CLCN7: variants seen among roughly 807,000 people sequenced by gnomAD.
CLCN7 encodes H(+)/Cl(-) exchange transporter 7.
Under a neutral mutation model 102.1 loss-of-function variants are expected in CLCN7, and 60 were observed. The ratio of observed to expected loss-of-function variants is 0.59; its 90% CI spans 0.48 to 0.73. The LOEUF (loss-of-function observed/expected upper bound fraction) is 0.73. Among genes scored for constraint, CLCN7 ranks in the 30% least tolerant of loss-of-function variants. The probability of loss-of-function intolerance (pLI) is 0.00; values close to 1 mark genes in which losing one functional copy is unlikely to be tolerated. For missense variants in CLCN7, 962 were observed against 1,125.7 expected, an observed-to-expected ratio of 0.85 and a Z score of 2.08; for synonymous variants, 560 against 490.5, an observed-to-expected ratio of 1.14 and a Z score of -1.87.
At chr16:1,464,973 C>CT (rs2142395455) in intron 2 of CLCN7, among the ~76,000 whole-genome samples, 1 of 152,254 alleles carries the variant, frequency 6.6e-6, no homozygotes, top group Non-Finnish European at 1.5e-5. Context: ...ACTGCCCCCC[C>CT]AAGATCCCTG....
At chr16:1,447,837 G>A in intron 21 of CLCN7, 123 bp from the exon 22 acceptor site, 1 of 1,086,508 alleles carries the variant, frequency 9.2e-7, no homozygotes, top group Non-Finnish European at 1.4e-6. Flanking sequence ...TGGGCCCCGT[G>A]TCGGTGGCTA....
Position 1,446,663 on chromosome 16 carries a change from C to A in CLCN7, c.2386G>T (p.Gly796Cys). The part of the protein sequence containing the change: ...DLARYRLGKR[G>C]LEELSLAQT ...TGGGCCAGCGAGAGCTCCTCCAAGC[C>A]TCTCTTTCCCAGGCGGTACCTGGCG... The change falls in exon 25 of 25, where the codon GGC becomes TGC. Residue 796 changes from glycine to cysteine, a missense_variant. Gly to Cys is a radical substitution (Grantham distance 159, BLOSUM62 -3). Coordinates refer to ENST00000382745, the MANE Select transcript of CLCN7 (RefSeq NM_001287.6). 6.3e-7 allele frequency: 1 copy of A among 1,584,034 alleles called. No homozygotes were observed. The highest frequency in any genetic ancestry group is 8.6e-7 in the Non-Finnish European group (1 of 1,165,100).
chr16:1,470,319 G>C (rs564194033), intron 1 of CLCN7, among the ~76,000 whole-genome samples: 1 of 152,328 alleles, frequency 6.6e-6, no homozygotes, highest in Admixed American at 6.5e-5. Flanking sequence ...TTTATGGTAT[G>C]TGTTCTTTAC....
intron 1 of CLCN7, among the ~76,000 whole-genome samples, chr16:1,467,426 G>A (rs1335208624): frequency 6.6e-6 from 1 of 152,184 alleles, no homozygotes; most frequent in Non-Finnish European, 1.5e-5. Flanking sequence ...ACGGTGGGAG[G>A]AGGAAGGTGC....
chr16:1,452,462 G>A, intron 15 of CLCN7: 1 of 471,486 alleles, frequency 2.1e-6, no homozygotes, highest in South Asian at 2.4e-5. Flanking sequence ...CCACATCTAT[G>A]GTGCCCCCAT....
chr16:1,460,959 C>T lies in CLCN7; in HGVS notation c.352-11G>A, dbSNP rs764398895. On this transcript the variant is annotated splice_polypyrimidine_tract_variant and intron_variant, in intron 4 of 24. Transcript: ENST00000382745. ...CACCGTCCGGAAGGCCTGCAGGGCG[C>T]GGTCAGGGCGAGGGTCAGGCAGGGC... The T allele has an allele frequency of 2.5e-6, 4 of 1,612,078 alleles. No individual in the cohort carries two copies. The highest frequency in any genetic ancestry group is 1.7e-4 in the Middle Eastern group (1 of 6,060).
In CLCN7 at chr16:1,455,598, C is replaced by T. The variant is rs7190701; in HGVS notation, c.981+133G>A. The T allele has an allele frequency of 0.46, 443,633 of 964,928 alleles. 106,576 individuals carry two copies. The highest frequency in any genetic ancestry group is 0.77 in the East Asian group (30,348 of 39,620). The allele number at this position is 964,928 out of a possible 1,614,324, so 59.8% of individuals were successfully genotyped here. A position where few individuals can be genotyped will look rare whatever the true frequency, so the allele number is the denominator to read the frequency against. ...GCAGGACCGCTGCTTTGGGCAGGAC[C>T]AAGGCCTGACAGACCCACAGGGGGT... is the stretch of plus-strand genomic sequence containing the variant. On this transcript the variant is annotated intron_variant, in intron 11 of 24. Coordinates refer to ENST00000382745, the MANE Select transcript of CLCN7 (RefSeq NM_001287.6).
At chr16:1,463,743 G>C (rs1455365843) in intron 2 of CLCN7, among the ~76,000 whole-genome samples, 2 of 150,690 alleles carry the variant, frequency 1.3e-5, no homozygotes, top group African/African-American at 4.9e-5. Flanking sequence ...AAAGTGTTGG[G>C]ATTACAGGTG....
intron 2 of CLCN7, among the ~76,000 whole-genome samples, chr16:1,464,466 G>A (rs1044547516): frequency 2.4e-4 from 36 of 152,276 alleles, no homozygotes; most frequent in Admixed American, 2.4e-3. Context: ...GGCTCCAGAG[G>A]CAGCACAAAC....
In CLCN7 at chr16:1,451,627, C is replaced by T. The variant is rs372732179; in HGVS notation, c.1443G>A (p.Pro481=). The T allele has an allele frequency of 1.4e-4, 220 of 1,611,016 alleles. No individual in the cohort carries two copies. Among genetic ancestry groups the T allele is most frequent in the South Asian group, 1.8e-4 (16 of 91,044 alleles). Residue 481 remains proline (P), a synonymous_variant, in exon 16 of 25, where the codon CCG becomes CCA. Coordinates refer to ENST00000382745, the MANE Select transcript of CLCN7 (RefSeq NM_001287.6). The part of the protein sequence containing the change: ...EKSVVSLFHD[P]PGSYNPLTLG... ...AGCGGCACTGCCCACACACACCTGG[C>T]GGGTCGTGGAAGAGGCTCACCACGC...
intron 1 of CLCN7, among the ~76,000 whole-genome samples, chr16:1,466,337 C>G (rs958916860): frequency 2.6e-5 from 4 of 152,322 alleles, no homozygotes; most frequent in Admixed American, 2.0e-4. Context: ...CAGGCTCGGC[C>G]TCCCGCACCA....
intron 16 of CLCN7, among the ~76,000 whole-genome samples, chr16:1,450,898 T>C (rs2038737889): frequency 6.6e-6 from 1 of 152,070 alleles, no homozygotes; most frequent in Admixed American, 6.5e-5. Flanking sequence ...GGGGCCCTGA[T>C]GCCAGCAGAA....
chr16:1,451,706 G>A lies in CLCN7; in HGVS notation c.1364C>T (p.Ala455Val), dbSNP rs771221831. The A allele has an allele frequency of 6.2e-7, 1 of 1,612,404 alleles. No homozygotes were observed. The change falls in exon 16 of 25, where the codon GCA (alanine) becomes GTA (valine). Residue 455 changes from alanine to valine, a missense_variant. This residue lies in a region of CLCN7 where 799 missense variants were observed against 988.0 expected (regional missense o/e 0.81). Transcript: ENST00000382745. ...SMSYPLQLFC[A>V]DGEYNSMAAA... ...AGCCATGGAGTTGTACTCGCCATCT[G>A]CACAAAAGAGCTGTGGGGTCGGGAG...
At position 1,473,084 on chromosome 16, in the gene CLCN7, G is replaced by T. The variant is rs2039099363; in HGVS notation, c.141+1750C>A. ...CACACCTGGCCTTTCTTTTAAAACAGAAACACACACACACACACACAGAGG... is the reference window on the plus strand; with the variant it reads ...CACACCTGGCCTTTCTTTTAAAACATAAACACACACACACACACACAGAGG... On this transcript the variant is annotated intron_variant, in intron 1 of 24. Coordinates refer to ENST00000382745, the MANE Select transcript of CLCN7 (RefSeq NM_001287.6). 1.4e-5 allele frequency among the ~76,000 whole-genome samples: 2 copies of T among 143,950 alleles called. 1 individual carries two copies. Among genetic ancestry groups the T allele is most frequent in the South Asian group, 4.4e-4 (2 of 4,596 alleles). The allele number at this position is 143,950 out of a possible 152,430, so 94.4% of individuals were successfully genotyped here. A position where few individuals can be genotyped will look rare whatever the true frequency, so the allele number is the denominator to read the frequency against.
chr16:1,468,753 G>A (rs1259808228), intron 1 of CLCN7, among the ~76,000 whole-genome samples: 6 of 125,976 alleles, frequency 4.8e-5, no homozygotes, highest in Admixed American at 7.8e-5. Flanking sequence ...GTGCTTACGC[G>A]GATCTACACG....
intron 12 of CLCN7, among the ~76,000 whole-genome samples, chr16:1,454,886 G>A (rs1192378216): frequency 6.6e-6 from 1 of 152,228 alleles, no homozygotes; most frequent in Non-Finnish European, 1.5e-5. Context: ...GGCCGTGGGA[G>A]GCCCCATGCA....
intron 1 of CLCN7, among the ~76,000 whole-genome samples, chr16:1,468,062 A>G (rs1366577034): frequency 6.6e-6 from 1 of 152,128 alleles, no homozygotes. Flanking sequence ...CAGCCTGGGC[A>G]ACACGGCAAG....
At chr16:1,463,075 G>C (rs1336326952) in intron 2 of CLCN7, among the ~76,000 whole-genome samples, 1 of 152,094 alleles carries the variant, frequency 6.6e-6, no homozygotes, top group African/African-American at 2.4e-5. Flanking sequence ...AGGCTGCAGT[G>C]AACCATGATT....
chr16:1,446,338 G>T lies in CLCN7; in HGVS notation c.*293C>A. 1 of 702,028 alleles carries T rather than the reference G, an allele frequency of 1.4e-6. No individual in the cohort carries two copies. The highest frequency in any genetic ancestry group is 2.6e-6 in the Non-Finnish European group (1 of 384,684). 43.5% of individuals were successfully genotyped at this position (702,028 alleles called of 1,614,324 possible). A position where few individuals can be genotyped will look rare whatever the true frequency, so the allele number is the denominator to read the frequency against. ...CTGGCTCCCAAGAGGCCGATAGCCC[G>T]GTAGGGAGGTCACACACACACAGCT... On this transcript the variant is annotated 3_prime_UTR_variant, in exon 25 of 25. Coordinates refer to ENST00000382745, the MANE Select transcript of CLCN7 (RefSeq NM_001287.6).
Sources: allele counts gnomAD v4.1 joint callset (sites outside exome capture counted in the v4.1 genomes callset), GRCh38; gene constraint gnomAD v4.1.1; regional missense constraint gnomAD v4.1.1; transcripts MANE v1.5; gene names NCBI Gene and HGNC (gene_info 2026-07-23, HGNC 2026-07-21).